Variants in STAG1 observed in about 807,000 individuals in gnomAD.
The protein encoded by STAG1 is cohesin subunit SA-1.
In STAG1, 26 loss-of-function variants were observed where a neutral mutation model predicts 170.9. The ratio of observed to expected loss-of-function variants is 0.15; its 90% CI spans 0.11 to 0.21. The LOEUF (loss-of-function observed/expected upper bound fraction) is 0.21. Ranked by LOEUF, STAG1 falls within the 10% of genes least tolerant of loss-of-function variation. The probability of loss-of-function intolerance (pLI) is 1.00; values close to 1 mark genes in which losing one functional copy is unlikely to be tolerated. For missense variants in STAG1, 964 were observed against 1,509.5 expected (o/e 0.64, Z 5.99); for synonymous variants, 514 against 497.7 (o/e 1.03, Z -0.44).
chr3:136,519,928 C>T (rs1211833777), intron 7 of STAG1, among the ~76,000 whole-genome samples: 1 of 151,988 alleles, frequency 6.6e-6, no homozygotes, highest in African/African-American at 2.4e-5. Flanking sequence ...AAATATCTCC[C>T]TCTCTTCCTA....
chr3:136,399,806 T>A (rs1237321952), intron 21 of STAG1, among the ~76,000 whole-genome samples: 1 of 152,236 alleles, frequency 6.6e-6, no homozygotes, highest in Non-Finnish European at 1.5e-5. Flanking sequence ...CTTATGTGTG[T>A]TATATCTCTC....
chr3:136,658,941 C>G (rs1941482675), intron 1 of STAG1, among the ~76,000 whole-genome samples: 1 of 152,170 alleles, frequency 6.6e-6, no homozygotes, highest in Non-Finnish European at 1.5e-5. Flanking sequence ...CCAAATACCC[C>G]TAAGAATGAG....
intron 12 of STAG1, among the ~76,000 whole-genome samples, chr3:136,470,085 C>G (rs1350913481): frequency 5.3e-5 from 8 of 152,188 alleles, no homozygotes; most frequent in Non-Finnish European, 7.3e-5. Flanking sequence ...GCAAGGACTT[C>G]ATGTCTAAAA....
chr3:136,605,907 C>T (rs900936425), intron 3 of STAG1, among the ~76,000 whole-genome samples: 3 of 152,254 alleles, frequency 2.0e-5, no homozygotes, highest in South Asian at 2.1e-4. Flanking sequence ...CCTGCATTTG[C>T]TTTTACTGTG....
rs779650360 is a variant in STAG1, at chr3:136,738,595, G to A, written c.-84+13600C>T. Among the ~76,000 whole-genome samples, 128 of 152,190 alleles carry A rather than the reference G, an allele frequency of 8.4e-4. 1 individual carries two copies. Among genetic ancestry groups the A allele is most frequent in the East Asian group, 4.8e-3 (25 of 5,174 alleles). On this transcript the variant is annotated intron_variant, in intron 1 of 33. Coordinates refer to ENST00000383202, the MANE Select transcript of STAG1 (RefSeq NM_005862.3). ...GAACCCAGGAGGCAGAAGTTGCAGT[G>A]AGCCGAGATCGATCGTACCACTGCC...
chr3:136,374,451 C>G (rs1937508086), intron 23 of STAG1, among the ~76,000 whole-genome samples: 1 of 152,058 alleles, frequency 6.6e-6, no homozygotes, highest in Non-Finnish European at 1.5e-5. Context: ...AATCCCATCT[C>G]TACTAAAAAT....
chr3:136,454,046 G>A (rs2089027557), intron 13 of STAG1, among the ~76,000 whole-genome samples: 1 of 152,006 alleles, frequency 6.6e-6, no homozygotes, highest in African/African-American at 2.4e-5. Flanking sequence ...ACTTTCAGAG[G>A]GGTGGTAAAA....
chr3:136,599,757 A>G (rs947964221), intron 4 of STAG1, among the ~76,000 whole-genome samples: 2 of 152,302 alleles, frequency 1.3e-5, no homozygotes, highest in Middle Eastern at 3.4e-3. Context: ...TTTCCTCAGT[A>G]ACATAATGTA....
intron 1 of STAG1, among the ~76,000 whole-genome samples, chr3:136,714,942 T>TATATATATATATATATTAA (rs1326713363): frequency 8.4e-5 from 3 of 35,780 alleles, no homozygotes; most frequent in African/African-American, 3.0e-4. Context: ...ATATTAAATA[T>TATATATATATATATATTAA]ATATATATAT....
chr3:136,686,844 A>T (rs943015750), intron 1 of STAG1, among the ~76,000 whole-genome samples: 5 of 152,232 alleles, frequency 3.3e-5, no homozygotes, highest in African/African-American at 9.6e-5. Flanking sequence ...CTACTTAAGT[A>T]ATTCAGAGCA....
intron 14 of STAG1, among the ~76,000 whole-genome samples, chr3:136,449,887 G>GA (rs1440682976): frequency 1.4e-5 from 2 of 145,858 alleles, no homozygotes; most frequent in Non-Finnish European, 3.0e-5. Context: ...ATCAATTTCT[G>GA]AAACTATTGT....
At chr3:136,371,665 T>C (rs1380007445) in intron 23 of STAG1, among the ~76,000 whole-genome samples, 1 of 152,202 alleles carries the variant, frequency 6.6e-6, no homozygotes, top group African/African-American at 2.4e-5. Flanking sequence ...CAGATAGTTG[T>C]AGATATGCGG....
intron 22 of STAG1, among the ~76,000 whole-genome samples, chr3:136,391,368 C>CT (rs5852844): frequency 0.2 from 24,942 of 124,506 alleles, 2,828 homozygotes; most frequent in Non-Finnish European, 0.25. Flanking sequence ...CTTTAGCCCT[C>CT]TTTTTTTTTT....
chr3:136,385,775 C>T (rs2086856570), intron 22 of STAG1, among the ~76,000 whole-genome samples: 1 of 152,124 alleles, frequency 6.6e-6, no homozygotes, highest in African/African-American at 2.4e-5. Context: ...AATCATAGCT[C>T]AATGCAGCCT....
At chr3:136,376,071 A>G (rs1937601606) in intron 23 of STAG1, among the ~76,000 whole-genome samples, 1 of 74,676 alleles carries the variant, frequency 1.3e-5, no homozygotes, top group African/African-American at 3.5e-5. Flanking sequence ...TAAATGGCAG[A>G]GCTGGGTATT....
chr3:136,416,680 A>G (rs1483957103), intron 21 of STAG1, among the ~76,000 whole-genome samples: 1 of 152,224 alleles, frequency 6.6e-6, no homozygotes, highest in African/African-American at 2.4e-5. Context: ...TGTCAGCAAT[A>G]CATTTTAAAA....
chr3:136,733,880 G>A (rs1037293194), intron 1 of STAG1, among the ~76,000 whole-genome samples: 11 of 152,162 alleles, frequency 7.2e-5, no homozygotes, highest in African/African-American at 2.7e-4. Context: ...GGCCAAGGCG[G>A]GCGGATCACA....
At chr3:136,684,401 C>T (rs1942438607) in intron 1 of STAG1, among the ~76,000 whole-genome samples, 1 of 152,106 alleles carries the variant, frequency 6.6e-6, no homozygotes, top group Admixed American at 6.6e-5. Flanking sequence ...TGATCTTTGA[C>T]AAAGAAGCAA....
At chr3:136,404,341 T>C (rs2087418881) in intron 21 of STAG1, among the ~76,000 whole-genome samples, 1 of 152,036 alleles carries the variant, frequency 6.6e-6, no homozygotes, top group Non-Finnish European at 1.5e-5. Flanking sequence ...GGAAATGGTG[T>C]TCCTAGGAGG....
Sources: allele counts gnomAD v4.1 joint callset (sites outside exome capture counted in the v4.1 genomes callset), GRCh38; gene constraint gnomAD v4.1.1; transcripts MANE v1.5; gene names NCBI Gene and HGNC (gene_info 2026-07-23, HGNC 2026-07-21).